A1CF: variants seen among roughly 807,000 people sequenced by gnomAD.
A1CF encodes the protein APOBEC-1 stimulating protein.
A neutral mutation model predicts 68.9 loss-of-function variants in A1CF; 48 were observed. The ratio of observed to expected loss-of-function variants is 0.70; its 90% CI spans 0.55 to 0.89. The LOEUF (loss-of-function observed/expected upper bound fraction) is 0.89, where lower values mean the gene tolerates loss of function less well. Among genes scored for constraint, A1CF ranks in the 40% least tolerant of loss-of-function variants. The probability of loss-of-function intolerance (pLI) is 0.00; values close to 1 mark genes in which losing one functional copy is unlikely to be tolerated. For missense variants in A1CF, 653 were observed against 718.9 expected, an observed-to-expected ratio of 0.91 and a Z score of 1.05; for synonymous variants, 272 against 260.4, an observed-to-expected ratio of 1.04 and a Z score of -0.43.
At chr10:50,856,060 G>A (rs1554819782) in intron 3 of A1CF, among the ~76,000 whole-genome samples, 1 of 152,012 alleles carries the variant, frequency 6.6e-6, no homozygotes, top group Non-Finnish European at 1.5e-5. Flanking sequence ...AGAGTTTGAA[G>A]TTGTGTTTCT....
At chr10:50,816,554 T>G (rs1274403814) in intron 8 of A1CF, 1 of 363,522 alleles carries the variant, frequency 2.8e-6, no homozygotes, top group Non-Finnish European at 5.0e-6. Context: ...CTGGTTACAG[T>G]CACTGAGACA....
chr10:50,822,200 C>T (rs544779376), intron 7 of A1CF, among the ~76,000 whole-genome samples: 4 of 152,084 alleles, frequency 2.6e-5, no homozygotes, highest in African/African-American at 4.8e-5. Context: ...ATAGTTGTAC[C>T]GAGATAGTTG....
intron 5 of A1CF, among the ~76,000 whole-genome samples, chr10:50,837,904 G>A (rs1179964967): frequency 6.6e-6 from 1 of 152,166 alleles, no homozygotes; most frequent in Non-Finnish European, 1.5e-5. Context: ...ATATGTGAAG[G>A]CCATTTTGAT....
rs1015397349 is a variant in A1CF, at chr10:50,819,688, G to T, written c.867+864C>A. On this transcript the variant is annotated intron_variant, in intron 8 of 12. Transcript: ENST00000373997. ...CAGCCAAGTTACTCCACATTTTCCT[G>T]TTCTCCAATCTTGTCTTGCTCTTCT... is the stretch of plus-strand genomic sequence containing the variant. 7.9e-5 allele frequency among the ~76,000 whole-genome samples: 12 copies of T among 152,130 alleles called. 1 individual carries two copies. The highest frequency in any genetic ancestry group is 6.6e-4 in the Admixed American group (10 of 15,264).
At position 50,800,249 on chromosome 10, in the gene A1CF, G is replaced by T. The variant is rs924374238; in HGVS notation, c.*6480C>A. On this transcript the variant is annotated 3_prime_UTR_variant, in exon 13 of 13. Coordinates refer to ENST00000373997, the MANE Select transcript of A1CF (RefSeq NM_014576.4). The stretch of plus-strand genomic sequence containing the variant: ...ATTCCATGTTTTAATTCTCCTTCTG[G>T]ACCTCTAACTAACCTTTTTCTCCTT... 1.3e-5 allele frequency: 2 copies of T among 151,970 alleles called. No individual in the cohort carries two copies. The highest frequency in any genetic ancestry group is 2.9e-5 in the Non-Finnish European group (2 of 67,954). 9.4% of individuals were successfully genotyped at this position (151,970 alleles called of 1,614,324 possible). A position where few individuals can be genotyped will look rare whatever the true frequency, so the allele number is the denominator to read the frequency against.
At chr10:50,809,747 T>C in intron 12 of A1CF, 147 bp downstream of exon 12, 2 of 1,235,240 alleles carry the variant, frequency 1.6e-6, no homozygotes, top group Non-Finnish European at 2.2e-6. Flanking sequence ...GAGTCACTCA[T>C]TTGGGAAACT....
chr10:50,853,887 G>A (rs1840362801), intron 3 of A1CF, among the ~76,000 whole-genome samples: 1 of 151,744 alleles, frequency 6.6e-6, no homozygotes, highest in East Asian at 1.9e-4. Context: ...GGTTCATGGG[G>A]CATAGTTTGT....
intron 1 of A1CF, among the ~76,000 whole-genome samples, chr10:50,872,659 A>G (rs1339773592): frequency 1.3e-5 from 2 of 152,140 alleles, no homozygotes; most frequent in Non-Finnish European, 2.9e-5. Context: ...GAGCATCTGA[A>G]GCACTATGGT....
intron 2 of A1CF, chr10:50,862,788 C>T (rs1032874247): frequency 5.9e-5 from 9 of 152,170 alleles, no homozygotes; most frequent in Non-Finnish European, 8.8e-5. Flanking sequence ...ATTGTCTTTT[C>T]GTGAGGATAC....
intron 6 of A1CF, among the ~76,000 whole-genome samples, chr10:50,833,350 C>T (rs909771303): frequency 2.1e-4 from 32 of 152,320 alleles, no homozygotes; most frequent in African/African-American, 7.7e-4. Flanking sequence ...AACAAGCCCT[C>T]CAGGTGATGC....
chr10:50,810,142 G>A (rs910875753), intron 11 of A1CF, 100 bp from the exon 12 acceptor site: 4 of 1,371,074 alleles, frequency 2.9e-6, no homozygotes, highest in South Asian at 1.4e-5. Flanking sequence ...ACTGGATGGT[G>A]GTATTTTGAG....
chr10:50,823,524 C>G (rs1838775058), intron 7 of A1CF: 1 of 152,160 alleles, frequency 6.6e-6, no homozygotes, highest in Admixed American at 6.5e-5. Context: ...ATCAGAGGGT[C>G]ATGGTTCCCG....
At chr10:50,818,101 G>GAA (rs1159669602) in intron 8 of A1CF, among the ~76,000 whole-genome samples, 4 of 151,918 alleles carry the variant, frequency 2.6e-5, no homozygotes, top group African/African-American at 9.7e-5. Flanking sequence ...ATCCCTTACT[G>GAA]TTCTGCATAT....
At chr10:50,885,413 C>T (rs993756890) in intron 1 of A1CF, among the ~76,000 whole-genome samples, 168 bp downstream of exon 1, 2 of 152,132 alleles carry the variant, frequency 1.3e-5, no homozygotes, top group African/African-American at 4.8e-5. Flanking sequence ...CCAATATATT[C>T]TTTTGTTTTC....
rs1400913431 is a variant in A1CF at position 50,835,145 on chromosome 10, T to G, written c.604+929A>C. Among the ~76,000 whole-genome samples, 4 of 152,254 alleles carry G rather than the reference T, an allele frequency of 2.6e-5. No individual in the cohort carries two copies. In the East Asian group the frequency reaches 7.7e-4, roughly 29 times the overall value. Reference sequence around the variant, plus strand: ...AGCAACCTTTGGGACTGTCTCATTTTTTTTCCCTTTAAGTTGCCTTCATGA... The same window carrying G: ...AGCAACCTTTGGGACTGTCTCATTTGTTTTCCCTTTAAGTTGCCTTCATGA... On this transcript the variant is annotated intron_variant, in intron 6 of 12. Transcript: ENST00000373997.
intron 3 of A1CF, among the ~76,000 whole-genome samples, chr10:50,850,964 T>A (rs1183922606): frequency 6.6e-6 from 1 of 152,226 alleles, no homozygotes; most frequent in African/African-American, 2.4e-5. Flanking sequence ...GGCCGCTAGA[T>A]CTGATTAAGT....
intron 1 of A1CF, among the ~76,000 whole-genome samples, chr10:50,881,477 A>G (rs1162857225): frequency 2.0e-5 from 3 of 152,228 alleles, no homozygotes; most frequent in Non-Finnish European, 4.4e-5. Context: ...CTGAATTGAC[A>G]TCAACTATAA....
chr10:50,884,604 C>CA lies in A1CF; in HGVS notation c.-94+976dup, dbSNP rs1269615730. 3.3e-5 allele frequency among the ~76,000 whole-genome samples: 5 copies of CA among 152,306 alleles called. No individual in the cohort carries two copies. The East Asian group carries it at 9.6e-4, about 29-fold the overall frequency. On this transcript the variant is annotated intron_variant, in intron 1 of 12. Transcript: ENST00000373997. ...AAACTATAACTAGAGCTGAATTTGC[C>CA]AAAATACGATCTATAAAACACTAAT...
rs1269731067 is a variant in A1CF at position 50,813,979 on chromosome 10, G to C, written c.1201C>G (p.Arg401Gly). 6.2e-7 allele frequency: 1 copy of C among 1,613,708 alleles called. No homozygotes were observed. The highest frequency in any genetic ancestry group is 1.1e-5 in the South Asian group (1 of 91,060). Residue 401 changes from arginine (R) to glycine (G), a missense_variant, in exon 10 of 13, where the codon CGA becomes GGA. Transcript: ENST00000373997. ...RGYLAYTGLG[R>G]GYQVKGDKRE... ...TTGTCTCCTTTGACCTGGTATCCTC[G>C]ACCCAGGCCTGTGTATGCCAAATAG...
Sources: gnomAD v4.1 joint callset for allele counts (sites outside exome capture counted in the v4.1 genomes callset) on GRCh38, gnomAD v4.1.1 for gene constraint, MANE v1.5 for transcripts, NCBI Gene and HGNC (gene_info 2026-07-23, HGNC 2026-07-21) for gene names.